Variants in CENPT observed in about 807,000 individuals in gnomAD.
The protein encoded by CENPT is interphase centromere complex protein 22.
CENPT carries 42 observed loss-of-function variants against 59.7 expected under a neutral mutation model. That is an observed-to-expected ratio of 0.70 (90% CI 0.55 to 0.91). The LOEUF is 0.91. Among genes scored for constraint, CENPT ranks in the 40% least tolerant of loss-of-function variants. CENPT has a pLI of 0.00. For synonymous variants in CENPT, 295 were observed against 289.6 expected, an observed-to-expected ratio of 1.02 and a Z score of -0.19; for missense variants, 716 against 713.4, an observed-to-expected ratio of 1.00 and a Z score of -0.04.
chr16:67,847,139 G>C (rs1311689433), intron 1 of CENPT: 1 of 150,456 alleles, frequency 6.6e-6, no homozygotes, highest in Non-Finnish European at 1.5e-5. Flanking sequence ...CATGTGTCGC[G>C]CGCGGCTCCG....
intron 11 of CENPT, 23 bp downstream of exon 11, chr16:67,830,367 G>A (rs200402335): frequency 1.5e-5 from 23 of 1,584,282 alleles, no homozygotes; most frequent in East Asian, 9.0e-5. Context: ...TTTGGCTCCA[G>A]GCCACCAGTG....
intron 11 of CENPT, 135 bp downstream of exon 11, chr16:67,830,255 T>A (rs2057673028): frequency 7.8e-7 from 1 of 1,277,584 alleles, no homozygotes; most frequent in Non-Finnish European, 1.1e-6. Context: ...CAACATGGAC[T>A]CTGCTCTTGG....
At chr16:67,846,076 C>T (rs1394098464) in intron 1 of CENPT, among the ~76,000 whole-genome samples, 1 of 152,220 alleles carries the variant, frequency 6.6e-6, no homozygotes, top group Non-Finnish European at 1.5e-5. Context: ...AGAGACTGGC[C>T]TTACCACAAA....
In CENPT at chr16:67,830,036, G is replaced by T. The variant is rs752282801; in HGVS notation, c.915C>A (p.Ala305=). 1.2e-6 allele frequency: 2 copies of T among 1,614,244 alleles called. No individual in the cohort carries two copies. Among genetic ancestry groups the T allele is most frequent in the Non-Finnish European group, 1.7e-6 (2 of 1,180,040 alleles). The change falls in exon 12 of 16, where the codon GCC becomes GCA. Residue 305 remains alanine (A), a synonymous_variant. Coordinates refer to ENST00000562787, the MANE Select transcript of CENPT (RefSeq NM_025082.4). ...TGGTGCTCAGGAAGCCCAGAGCAAA[G>T]GCATTGACCTCCTCTGCCTCTCCTG... is the stretch of plus-strand genomic sequence containing the variant. ...FLAGEAEEVN[A]FALGFLSTSS...
rs753876106 is a variant in CENPT at position 67,829,497 on chromosome 16, G to A, written c.1206C>T (p.Ser402=). The A allele has an allele frequency of 6.3e-7, 1 of 1,593,774 alleles. No homozygotes were observed. Among genetic ancestry groups the A allele is most frequent in the South Asian group, 1.1e-5 (1 of 87,796 alleles). ...TGGCCTGGAGAGACTCAGGGGTGCTGGAGGCCGACTCTGGACTTGCTACAA... is the reference window on the plus strand; with the variant it reads ...TGGCCTGGAGAGACTCAGGGGTGCTAGAGGCCGACTCTGGACTTGCTACAA... ...SGRAASPESA[S]STPESLQARR... is the part of the protein sequence containing the mutation. Residue 402 remains serine (S), a synonymous_variant, in exon 13 of 16, where the codon TCC becomes TCT. Transcript: ENST00000562787.
chr16:67,834,436 C>T (rs753377878), intron 3 of CENPT, among the ~76,000 whole-genome samples: 9 of 151,890 alleles, frequency 5.9e-5, no homozygotes, highest in Non-Finnish European at 1.2e-4. Context: ...AGTGAGACCC[C>T]TGCCCCCTGG....
chr16:67,832,544 C>G lies in CENPT; in HGVS notation c.112G>C (p.Ala38Pro), dbSNP rs1314049750. 2.5e-6 allele frequency: 4 copies of G among 1,613,658 alleles called. No individual in the cohort carries two copies. In the South Asian group the frequency reaches 4.4e-5, roughly 18 times the overall value. Residue 38 changes from alanine to proline, a missense_variant and splice_region_variant, in exon 5 of 16, where the codon GCC (alanine) becomes CCC (proline). Transcript: ENST00000562787. ...PRRPRSARAG[A>P]RRALLETASP... The stretch of plus-strand genomic sequence containing the variant: ...GCCGTTTCAAGCAGGGCTCTCCGGG[C>G]TCTGTGTAAAGACCAGCAATTATGC...
intron 4 of CENPT, among the ~76,000 whole-genome samples, chr16:67,833,410 C>T (rs1044228338): frequency 6.6e-6 from 1 of 152,228 alleles, no homozygotes; most frequent in South Asian, 2.1e-4. Flanking sequence ...GATTCTGAAC[C>T]CCTATCCTCC....
rs1229510734 is a variant in CENPT, at chr16:67,832,468, G to GA, written c.187dup (p.Ser63PhefsTer44). The GA allele has an allele frequency of 6.2e-7, 1 of 1,614,202 alleles. No individual in the cohort carries two copies. Among genetic ancestry groups the GA allele is most frequent in the Admixed American group, 1.7e-5 (1 of 60,028 alleles). ...CTGGGTACTTACCCTGGCTCCATGG[G>GA]AACGCCCTCTGGCTATCGTCCTTGT... On this transcript the variant is annotated frameshift_variant, in exon 5 of 16. Transcript: ENST00000562787. LOFTEE classifies it high-confidence loss of function.
chr16:67,831,371 G>C lies in CENPT; in HGVS notation c.561-13C>G, dbSNP rs1384602509. 6.2e-7 allele frequency: 1 copy of C among 1,611,022 alleles called. No homozygotes were observed. The highest frequency in any genetic ancestry group is 1.7e-5 in the Admixed American group (1 of 59,892). ...CAGGTTGAGGGATCTGGTGAGGTGGGGAGGCACAGAGGAAAGTCAGGTACC... is the reference window on the plus strand; with the variant it reads ...CAGGTTGAGGGATCTGGTGAGGTGGCGAGGCACAGAGGAAAGTCAGGTACC... On this transcript the variant is annotated splice_polypyrimidine_tract_variant and intron_variant, in intron 9 of 15. Transcript: ENST00000562787.
chr16:67,846,571 GGGGCC>G (rs1210728344), intron 1 of CENPT, among the ~76,000 whole-genome samples: 4 of 152,360 alleles, frequency 2.6e-5, no homozygotes, highest in Admixed American at 1.3e-4. Context: ...GGGCCAGCTT[GGGGCC>G]GGGCTGGGCT....
In CENPT at chr16:67,841,010, C is replaced by CATATATAT. The variant is rs66882634; in HGVS notation, c.-491-5360_-491-5353dup. ...CCCCGTCTCTACTAAATACAAAATA[C>CATATATAT]ATATATATATATATATATATATATA... On this transcript the variant is annotated intron_variant, in intron 1 of 15. Transcript: ENST00000562787. 4.5e-3 allele frequency among the ~76,000 whole-genome samples: 492 copies of CATATATAT among 109,280 alleles called. 2 individuals carry two copies. The highest frequency in any genetic ancestry group is 0.013 in the African/African-American group (362 of 28,278). The allele number at this position is 109,280 out of a possible 152,430, so 71.7% of individuals were successfully genotyped here. A position where few individuals can be genotyped will look rare whatever the true frequency, so the allele number is the denominator to read the frequency against.
In CENPT at chr16:67,829,527, G is replaced by A. The variant is rs1365783265; in HGVS notation, c.1187-11C>T. ...CCGACTCTGGACTTGCTACAAAGAA[G>A]AAGGGTGGGGTCACAGGGATTCCAG... On this transcript the variant is annotated splice_polypyrimidine_tract_variant and intron_variant, in intron 12 of 15. Transcript: ENST00000562787. 6.3e-7 allele frequency: 1 copy of A among 1,594,994 alleles called. No homozygotes were observed. The highest frequency in any genetic ancestry group is 8.5e-7 in the Non-Finnish European group (1 of 1,173,436).
intron 1 of CENPT, among the ~76,000 whole-genome samples, chr16:67,837,150 G>A (rs901791664): frequency 8.6e-5 from 13 of 151,834 alleles, no homozygotes; most frequent in Admixed American, 2.0e-4. Flanking sequence ...GATTACAGGC[G>A]TGAGCCACCG....
At chr16:67,845,172 A>G (rs1329646388) in intron 1 of CENPT, among the ~76,000 whole-genome samples, 2 of 152,238 alleles carry the variant, frequency 1.3e-5, no homozygotes, top group Admixed American at 6.5e-5. Flanking sequence ...CTCAAAGCCA[A>G]TGTCTAAAAG....
chr16:67,841,227 C>T (rs1432260222), intron 1 of CENPT, among the ~76,000 whole-genome samples: 2 of 144,272 alleles, frequency 1.4e-5, no homozygotes, highest in African/African-American at 5.2e-5. Context: ...AAAAAGATTC[C>T]CTCAAATAAG....
In CENPT at chr16:67,828,718, A is replaced by T; in HGVS notation, c.1406T>A (p.Phe469Tyr). The T allele has an allele frequency of 6.2e-7, 1 of 1,614,150 alleles. No homozygotes were observed. Among genetic ancestry groups the T allele is most frequent in the Non-Finnish European group, 8.5e-7 (1 of 1,180,026 alleles). Residue 469 changes from phenylalanine to tyrosine, a missense_variant, in exon 14 of 16, where the codon TTC becomes TAC. Coordinates refer to ENST00000562787, the MANE Select transcript of CENPT (RefSeq NM_025082.4). ...CCTCTCCATGGGCATCTTGGCATAG[A>T]AGCTAAAGAGTTTCACATAGTGGCT... ...GLSHYVKLFS[F>Y]YAKMPMERKA...
intron 1 of CENPT, among the ~76,000 whole-genome samples, chr16:67,836,304 C>A (rs977499539): frequency 6.6e-6 from 1 of 152,132 alleles, no homozygotes; most frequent in Admixed American, 6.6e-5. Flanking sequence ...TCATGATCCG[C>A]CCACCTCAGC....
rs944390362 is a variant in CENPT, at chr16:67,830,450, C to T, written c.802G>A (p.Asp268Asn). 32 of 1,614,056 alleles carry T rather than the reference C, an allele frequency of 2.0e-5. No individual in the cohort carries two copies. The highest frequency in any genetic ancestry group is 2.7e-5 in the Non-Finnish European group (32 of 1,180,016). ...LPCTPHTGAE[D>N]AEQAAGRKTQ... is the part of the protein sequence containing the mutation. Reference sequence around the variant, plus strand: ...TTGCGACCGGCAGCCTGCTCAGCGTCTTCAGCCCCAGTGTGAGGCGTGCAG... The same window carrying T: ...TTGCGACCGGCAGCCTGCTCAGCGTTTTCAGCCCCAGTGTGAGGCGTGCAG... Residue 268 changes from aspartate (D) to asparagine (N), a missense_variant, in exon 11 of 16, where the codon GAC becomes AAC. By Grantham distance (23) the Asp-to-Asn change is conservative. Transcript: ENST00000562787.
Sources: gnomAD v4.1 joint callset for allele counts (sites outside exome capture counted in the v4.1 genomes callset) on GRCh38, gnomAD v4.1.1 for gene constraint, MANE v1.5 for transcripts, NCBI Gene and HGNC (gene_info 2026-07-23, HGNC 2026-07-21) for gene names.